MED21: variants seen among roughly 807,000 people sequenced by gnomAD.
MED21 encodes the protein mediator of RNA polymerase II transcription subunit 21.
MED21 carries 9 observed loss-of-function variants against 18.2 expected under a neutral mutation model. The ratio of observed to expected loss-of-function variants is 0.49; its 90% confidence interval spans 0.30 to 0.86. The LOEUF (loss-of-function observed/expected upper bound fraction) is 0.86, where lower values mean the gene tolerates loss of function less well. Among genes scored for constraint, MED21 ranks in the 40% least tolerant of loss-of-function variants. The probability of loss-of-function intolerance (pLI) is 0.07; values close to 1 mark genes in which losing one functional copy is unlikely to be tolerated. For missense variants in MED21, 150 were observed against 170.9 expected (o/e 0.88, Z 0.68); for synonymous variants, 73 against 60.5 (o/e 1.21, Z -0.96).
downstream of MED21, among the ~76,000 whole-genome samples, chr12:27,031,225 G>A (rs182868443): frequency 3.5e-4 from 53 of 152,330 alleles, no homozygotes; most frequent in African/African-American, 1.2e-3. Flanking sequence ...ATTTCAATGG[G>A]AGTATCCTTT....
At chr12:27,035,121 G>A (rs552194354), downstream of MED21, among the ~76,000 whole-genome samples, 1 of 152,248 alleles carries the variant, frequency 6.6e-6, no homozygotes, top group African/African-American at 2.4e-5. Context: ...TGGGAGGATC[G>A]CTTAAGCCTG....
chr12:27,023,013 A>G (rs1941493282), intron 1 of MED21: 14 of 721,584 alleles, frequency 1.9e-5, no homozygotes, highest in African/African-American at 3.7e-5. Context: ...TTCCTCATCA[A>G]TTTTAATCCA....
At chr12:27,036,144 G>A (rs1033517133) in intron 2 of MED21, among the ~76,000 whole-genome samples, 3 of 152,232 alleles carry the variant, frequency 2.0e-5, no homozygotes, top group African/African-American at 4.8e-5. Context: ...ACTGGTGTGA[G>A]ATGATATCCC....
chr12:27,036,718 T>C (rs564229584), intron 2 of MED21, among the ~76,000 whole-genome samples: 1 of 152,246 alleles, frequency 6.6e-6, no homozygotes, highest in Non-Finnish European at 1.5e-5. Flanking sequence ...TTGCTTGTTT[T>C]TCTCAGGTTT....
At chr12:27,035,945 T>C (rs933937252) in intron 2 of MED21, among the ~76,000 whole-genome samples, 3 of 152,154 alleles carry the variant, frequency 2.0e-5, no homozygotes, top group African/African-American at 7.2e-5. Flanking sequence ...GTCCTTTGGG[T>C]GTATACCCAG....
At chr12:27,032,730 C>T (rs1941628150), downstream of MED21, among the ~76,000 whole-genome samples, 1 of 152,198 alleles carries the variant, frequency 6.6e-6, no homozygotes, top group African/African-American at 2.4e-5. Context: ...TCAGACCCTC[C>T]AAATCCCATT....
Position 27,029,646 on chromosome 12 carries a change from G to T in MED21, c.*1185G>T. 1.0e-6 allele frequency: 1 copy of T among 985,436 alleles called. No homozygotes were observed. Among genetic ancestry groups the T allele is most frequent in the Non-Finnish European group, 1.2e-6 (1 of 829,922 alleles). The allele number at this position is 985,436 out of a possible 1,614,324, so 61.0% of individuals were successfully genotyped here. Reference sequence around the variant, plus strand: ...TATGTTTCAAATTTCAGGAACACCAGCGTTAGCTGTAAAAGTTGCAGCAAT... The same window carrying T: ...TATGTTTCAAATTTCAGGAACACCATCGTTAGCTGTAAAAGTTGCAGCAAT... On this transcript the variant is annotated 3_prime_UTR_variant, in exon 4 of 4. Coordinates refer to ENST00000282892, the MANE Select transcript of MED21 (RefSeq NM_004264.5).
At chr12:27,035,249 A>G (rs1431352311), downstream of MED21, among the ~76,000 whole-genome samples, 1 of 152,168 alleles carries the variant, frequency 6.6e-6, no homozygotes, top group Non-Finnish European at 1.5e-5. Context: ...AAAACCTTCT[A>G]GCCACCAAGC....
chr12:27,029,017 A>G lies in MED21; in HGVS notation c.*556A>G. ...CAAATGTTTCTTCTGCTAGAACCTCATACCTGTTCTAGTTCATCTCCACGT... is the reference window on the plus strand; with the variant it reads ...CAAATGTTTCTTCTGCTAGAACCTCGTACCTGTTCTAGTTCATCTCCACGT... On this transcript the variant is annotated 3_prime_UTR_variant, in exon 4 of 4. Coordinates refer to ENST00000282892, the MANE Select transcript of MED21 (RefSeq NM_004264.5). 3 of 985,150 alleles carry G rather than the reference A, an allele frequency of 3.0e-6. No homozygotes were observed. Among genetic ancestry groups the G allele is most frequent in the African/African-American group, 1.7e-5 (1 of 57,332 alleles). 61.0% of individuals were successfully genotyped at this position (985,150 alleles called of 1,614,324 possible).
rs1034497950 is a variant in MED21, at chr12:27,030,489, G to A, written c.*2028G>A. 29 of 306,600 alleles carry A rather than the reference G, an allele frequency of 9.5e-5. No homozygotes were observed. Among genetic ancestry groups the A allele is most frequent in the African/African-American group, 5.4e-4 (25 of 46,442 alleles). 19.0% of individuals were successfully genotyped at this position (306,600 alleles called of 1,614,324 possible). ...TTCAAAAGCATTAATAAATTAAGGT[G>A]GAATACTAAAAAAGATTCAGGTAAC... On this transcript the variant is annotated 3_prime_UTR_variant, in exon 4 of 4. Coordinates refer to ENST00000282892, the MANE Select transcript of MED21 (RefSeq NM_004264.5).
intron 2 of MED21, chr12:27,038,673 AC>A (rs892529967): frequency 6.6e-6 from 1 of 152,252 alleles, no homozygotes; most frequent in Non-Finnish European, 1.5e-5. Flanking sequence ...AACCAAATTC[AC>A]ACAGACATGA....
rs1159124219 is a variant in MED21, at chr12:27,030,367, T to C, written c.*1906T>C. ...CCAGGCTAATGCCAAACTGCTAACC[T>C]CAAGATATTAATACTATACAGTAGA... On this transcript the variant is annotated 3_prime_UTR_variant, in exon 4 of 4. Transcript: ENST00000282892. The C allele has an allele frequency of 2.3e-6, 1 of 431,658 alleles. No homozygotes were observed. Among genetic ancestry groups the C allele is most frequent in the Non-Finnish European group, 4.1e-6 (1 of 243,030 alleles). The allele number at this position is 431,658 out of a possible 1,614,324, so 26.7% of individuals were successfully genotyped here. A position where few individuals can be genotyped will look rare whatever the true frequency, so the allele number is the denominator to read the frequency against.
downstream of MED21, among the ~76,000 whole-genome samples, chr12:27,031,661 A>G (rs562210922): frequency 6.6e-6 from 1 of 152,246 alleles, no homozygotes; most frequent in South Asian, 2.1e-4. Flanking sequence ...TGGTAGCAAA[A>G]CATGTCAGTG....
At chr12:27,024,172 C>T (rs1056414413) in intron 1 of MED21, among the ~76,000 whole-genome samples, 2 of 152,184 alleles carry the variant, frequency 1.3e-5, no homozygotes, top group Non-Finnish European at 2.9e-5. Context: ...TTGTTTTCTG[C>T]TAAATAGTTT....
chr12:27,026,626 A>T (rs1265365793), intron 2 of MED21, 92 bp downstream of exon 2: 2 of 752,982 alleles, frequency 2.7e-6, no homozygotes, highest in Non-Finnish European at 4.4e-6. Flanking sequence ...AGCTTATTTT[A>T]TTTCTAAAAT....
intron 2 of MED21, among the ~76,000 whole-genome samples, 163 bp downstream of exon 2, chr12:27,026,697 C>A (rs1941549502): frequency 6.6e-6 from 1 of 152,162 alleles, no homozygotes; most frequent in Non-Finnish European, 1.5e-5. Context: ...GTCAATTCAC[C>A]TAACATCTCA....
At chr12:27,026,956 TCTCGCTCTGTCAC>T (rs1297451164) in intron 2 of MED21, among the ~76,000 whole-genome samples, 1 of 151,870 alleles carries the variant, frequency 6.6e-6, no homozygotes, top group African/African-American at 2.4e-5. Context: ...TGAGACGGAG[TCTCGCTCTGTCAC>T]CTAGGCTGGA....
chr12:27,026,733 G>A (rs578032302), intron 2 of MED21, among the ~76,000 whole-genome samples, 199 bp downstream of exon 2: 14 of 152,302 alleles, frequency 9.2e-5, no homozygotes, highest in African/African-American at 3.4e-4. Context: ...TCAGATAATA[G>A]ATTGTTACTC....
rs530466172 is a variant in MED21, at chr12:27,029,912, A to C, written c.*1451A>C. Reference sequence around the variant, plus strand: ...TGAGGGAAAACTAACAGGATTTATCACTAGTAAACCTGCTCTAAAAGAATT... The same window carrying C: ...TGAGGGAAAACTAACAGGATTTATCCCTAGTAAACCTGCTCTAAAAGAATT... On this transcript the variant is annotated 3_prime_UTR_variant, in exon 4 of 4. Coordinates refer to ENST00000282892, the MANE Select transcript of MED21 (RefSeq NM_004264.5). The C allele has an allele frequency of 1.7e-6, 1 of 598,814 alleles. No individual in the cohort carries two copies. The highest frequency in any genetic ancestry group is 1.4e-4 in the East Asian group (1 of 7,096). The allele number at this position is 598,814 out of a possible 1,614,324, so 37.1% of individuals were successfully genotyped here.
Sources: allele counts gnomAD v4.1 joint callset (sites outside exome capture counted in the v4.1 genomes callset), GRCh38; gene constraint gnomAD v4.1.1; transcripts MANE v1.5; gene names NCBI Gene and HGNC (gene_info 2026-07-23, HGNC 2026-07-21).